EPRS1: variants seen among roughly 807,000 people sequenced by gnomAD.
EPRS1 encodes the protein bifunctional glutamate/proline--tRNA ligase.
A neutral mutation model predicts 188.3 loss-of-function variants in EPRS1; 107 were observed. The ratio of observed to expected loss-of-function variants is 0.57; its 90% confidence interval spans 0.49 to 0.67. The LOEUF is 0.67. Among genes scored for constraint, EPRS1 ranks in the 30% least tolerant of loss-of-function variants. EPRS1 has a pLI of 0.00. For missense variants in EPRS1, 1,577 were observed against 1,802.2 expected, an observed-to-expected ratio of 0.88 and a Z score of 2.26; for synonymous variants, 596 against 593.1, an observed-to-expected ratio of 1.00 and a Z score of -0.07.
intron 7 of EPRS1, 46 bp downstream of exon 7, chr1:220,025,086 T>G: frequency 1.3e-6 from 2 of 1,583,722 alleles, no homozygotes; most frequent in East Asian, 2.2e-5. Context: ...TCCTGTAACT[T>G]TAATTCACTT....
Position 219,987,456 on chromosome 1 carries a change from T to C in EPRS1, c.2776-52A>G, listed in dbSNP as rs755110469. 9 of 1,435,498 alleles carry C rather than the reference T, an allele frequency of 6.3e-6. No homozygotes were observed. In the South Asian group the frequency reaches 9.1e-5, roughly 15 times the overall value. The allele number at this position is 1,435,498 out of a possible 1,614,324, so 88.9% of individuals were successfully genotyped here. A position where few individuals can be genotyped will look rare whatever the true frequency, so the allele number is the denominator to read the frequency against. ...AGAAGACAGTATTTAACTCAAGTCA[T>C]TGTCTAAGCACACTTAAACAAATAC... On this transcript the variant is annotated intron_variant, in intron 19 of 31. Transcript: ENST00000366923.
intron 29 of EPRS1, 99 bp from the exon 30 acceptor site, chr1:219,972,246 G>A (rs1002188404): frequency 1.5e-6 from 1 of 661,162 alleles, no homozygotes; most frequent in Non-Finnish European, 2.6e-6. Context: ...GACAACCTGG[G>A]AGTGAGAAGG....
intron 12 of EPRS1, among the ~76,000 whole-genome samples, chr1:220,016,343 C>CAAAAAA (rs200969151): frequency 1.4e-5 from 1 of 69,096 alleles, no homozygotes; most frequent in Non-Finnish European, 2.8e-5. Context: ...GATTCCGCTA[C>CAAAAAA]AAAAAGAAAA....
intron 9 of EPRS1, among the ~76,000 whole-genome samples, chr1:220,021,861 G>C (rs1019201996): frequency 3.9e-4 from 15 of 38,388 alleles, no homozygotes; most frequent in Admixed American, 2.2e-3. Flanking sequence ...TATAAAGTAG[G>C]GTTTTTTTTT....
chr1:220,044,832 G>C (rs1425813619), intron 1 of EPRS1, among the ~76,000 whole-genome samples: 2 of 151,922 alleles, frequency 1.3e-5, no homozygotes, highest in African/African-American at 4.8e-5. Context: ...TAAGGAACTT[G>C]TCAAGGTTTC....
chr1:220,026,919 A>C (rs1361529683), intron 6 of EPRS1, among the ~76,000 whole-genome samples: 1 of 151,966 alleles, frequency 6.6e-6, no homozygotes, highest in African/African-American at 2.4e-5. Flanking sequence ...AAATTCATAA[A>C]AGTTTATGAA....
At chr1:219,993,531 A>C (rs977065788) in intron 18 of EPRS1, among the ~76,000 whole-genome samples, 27 of 152,258 alleles carry the variant, frequency 1.8e-4, no homozygotes, top group Non-Finnish European at 8.8e-5. Flanking sequence ...ATTAAAAACA[A>C]AACAAAAAAC....
intron 30 of EPRS1, among the ~76,000 whole-genome samples, chr1:219,970,421 A>AGT (rs1553317784): frequency 6.6e-6 from 1 of 152,028 alleles, no homozygotes; most frequent in Non-Finnish European, 1.5e-5. Context: ...AAAATCGTAA[A>AGT]TAAAGTGAAA....
Position 219,997,059 on chromosome 1 carries a change from T to A in EPRS1, c.2465A>T (p.Glu822Val). 6.2e-7 allele frequency: 1 copy of A among 1,613,924 alleles called. No individual in the cohort carries two copies. Among genetic ancestry groups the A allele is most frequent in the South Asian group, 1.1e-5 (1 of 91,052 alleles). The change falls in exon 18 of 32, where the codon GAA becomes GTA. Residue 822 changes from glutamate to valine, a missense_variant. Glu to Val is a moderately radical substitution (Grantham distance 121). Coordinates refer to ENST00000366923, the MANE Select transcript of EPRS1 (RefSeq NM_004446.3). Reference sequence around the variant, plus strand: ...AACTTCATCATACAGAGATTTACTTTCCAGAATACTTGCTGAGGAATTAGA... The same window carrying A: ...AACTTCATCATACAGAGATTTACTTACCAGAATACTTGCTGAGGAATTAGA... ...ISSNSSASIL[E>V]SKSLYDEVAA...
intron 1 of EPRS1, among the ~76,000 whole-genome samples, chr1:220,042,321 A>G (rs1386024782): frequency 6.6e-6 from 1 of 151,060 alleles, no homozygotes; most frequent in Non-Finnish European, 1.5e-5. Context: ...CATCTCTGCT[A>G]AAATACAAAA....
At chr1:220,037,449 G>A (rs577100345) in intron 2 of EPRS1, among the ~76,000 whole-genome samples, 74 of 148,054 alleles carry the variant, frequency 5.0e-4, no homozygotes, top group African/African-American at 1.8e-3. Context: ...AGGTTGCAGT[G>A]AGCCTGGATT....
At chr1:219,978,937 T>C (rs897858394) in intron 27 of EPRS1, among the ~76,000 whole-genome samples, 1 of 55,630 alleles carries the variant, frequency 1.8e-5, no homozygotes, top group Non-Finnish European at 3.3e-5. Context: ...CTATTTTTCA[T>C]ATGTGTGTGT....
At position 220,007,283 on chromosome 1, in the gene EPRS1, C is replaced by A; in HGVS notation, c.1661G>T (p.Gly554Val). Residue 554 changes from glycine to valine, a missense_variant, in exon 14 of 32, where the codon GGT becomes GTT. By Grantham distance (109) the Gly-to-Val change is moderately radical. This residue lies in a region of EPRS1 where 1,278 missense variants were observed against 1,457.4 expected (regional missense o/e 0.88). Coordinates refer to ENST00000366923, the MANE Select transcript of EPRS1 (RefSeq NM_004446.3). ...VWYSPKVFIE[G>V]ADAETFSEGE... ...CTCCGAAAAAGTCTCTGCATCAGCA[C>A]CTTCAATGAAAACTTTGGGACTATA... 6.2e-7 allele frequency: 1 copy of A among 1,613,912 alleles called. No individual in the cohort carries two copies. Among genetic ancestry groups the A allele is most frequent in the African/African-American group, 1.3e-5 (1 of 75,052 alleles).
intron 28 of EPRS1, among the ~76,000 whole-genome samples, chr1:219,975,839 TC>T (rs1185938196): frequency 5.0e-5 from 4 of 79,258 alleles, no homozygotes; most frequent in Non-Finnish European, 1.1e-4. Context: ...TGTACACATA[TC>T]TGTATGTGTG....
intron 13 of EPRS1, among the ~76,000 whole-genome samples, chr1:220,007,633 C>T (rs752051558): frequency 1.3e-5 from 2 of 152,206 alleles, no homozygotes; most frequent in Non-Finnish European, 2.9e-5. Flanking sequence ...AACCTGACCA[C>T]TAATGTTAAT....
chr1:220,031,230 G>A lies in EPRS1; in HGVS notation c.529-750C>T, dbSNP rs147429423. ...TATTGGGTGGGTAGGGAAGGAAGCC[G>A]AAATAGATTAAGTCAAAAACACAGA... On this transcript the variant is annotated intron_variant, in intron 5 of 31. Coordinates refer to ENST00000366923, the MANE Select transcript of EPRS1 (RefSeq NM_004446.3). Among the ~76,000 whole-genome samples the A allele has an allele frequency of 4.6e-5, 7 of 152,262 alleles. No homozygotes were observed. In the South Asian group the frequency reaches 8.3e-4, roughly 18 times the overall value.
chr1:219,992,218 C>T (rs1258414655), intron 18 of EPRS1, among the ~76,000 whole-genome samples: 1 of 152,058 alleles, frequency 6.6e-6, no homozygotes, highest in Non-Finnish European at 1.5e-5. Context: ...AAAACAATAA[C>T]ATTGGTGTAA....
chr1:220,031,037 A>G (rs527419755), intron 5 of EPRS1, among the ~76,000 whole-genome samples: 1 of 151,724 alleles, frequency 6.6e-6, no homozygotes, highest in African/African-American at 2.4e-5. Flanking sequence ...GGCTGCAGTG[A>G]GCCGAGATCA....
At chr1:219,980,023 A>T (rs1490252408) in intron 26 of EPRS1, 62 bp downstream of exon 26, 10 of 1,372,448 alleles carry the variant, frequency 7.3e-6, no homozygotes, top group Non-Finnish European at 1.0e-5. Context: ...AGAAGAAATT[A>T]TTGGATCTGT....
Sources: allele counts gnomAD v4.1 joint callset (sites outside exome capture counted in the v4.1 genomes callset), GRCh38; gene constraint gnomAD v4.1.1; regional missense constraint gnomAD v4.1.1; transcripts MANE v1.5; gene names NCBI Gene and HGNC (gene_info 2026-07-23, HGNC 2026-07-21).